The following FSIP1 variants were observed in gnomAD, a reference collection of about 807,000 sequenced individuals.
The protein encoded by FSIP1 is fibrous sheath-interacting protein 1.
In FSIP1, 65 loss-of-function variants were observed where a neutral mutation model predicts 60.9. The ratio of observed to expected loss-of-function variants is 1.07; its 90% CI spans 0.87 to 1.31. The LOEUF (loss-of-function observed/expected upper bound fraction) is 1.31, where lower values mean the gene tolerates loss of function less well. Among genes scored for constraint, FSIP1 ranks in the 40% most tolerant of loss-of-function variants. The probability of loss-of-function intolerance (pLI) is 0.00; values close to 1 mark genes in which losing one functional copy is unlikely to be tolerated. For missense variants in FSIP1, 675 were observed against 665.5 expected, an observed-to-expected ratio of 1.01 and a Z score of -0.16; for synonymous variants, 209 against 221.2, an observed-to-expected ratio of 0.94 and a Z score of 0.49.
intron 3 of FSIP1, among the ~76,000 whole-genome samples, chr15:39,766,159 G>A (rs1231604546): frequency 6.6e-6 from 1 of 152,192 alleles, no homozygotes; most frequent in African/African-American, 2.4e-5. Flanking sequence ...AACTGAAAGA[G>A]AAGGCGTGTA....
At chr15:39,775,695 G>A (rs553359861) in intron 2 of FSIP1, among the ~76,000 whole-genome samples, 5 of 152,190 alleles carry the variant, frequency 3.3e-5, no homozygotes, top group African/African-American at 1.2e-4. Context: ...AAAGTGTGTA[G>A]CACCTCCTCC....
intron 11 of FSIP1, among the ~76,000 whole-genome samples, chr15:39,614,644 CAAAAA>C (rs35512322): frequency 3.1e-5 from 3 of 96,342 alleles, no homozygotes; most frequent in East Asian, 3.3e-4. Flanking sequence ...GACTCCATCT[CAAAAA>C]AAAAAAAAAA....
At chr15:39,722,620 GCT>G (rs755310923) in intron 9 of FSIP1, among the ~76,000 whole-genome samples, 8 of 146,896 alleles carry the variant, frequency 5.4e-5, no homozygotes, top group African/African-American at 1.0e-4. Flanking sequence ...CCTTGGATAT[GCT>G]CTCTCTCTCT....
chr15:39,755,278 T>C (rs1170622595), intron 5 of FSIP1, among the ~76,000 whole-genome samples: 1 of 152,046 alleles, frequency 6.6e-6, no homozygotes, highest in East Asian at 1.9e-4. Flanking sequence ...GTTACTGATT[T>C]TGGCCTCAGA....
intron 10 of FSIP1, among the ~76,000 whole-genome samples, chr15:39,681,320 G>A (rs938175387): frequency 6.6e-6 from 1 of 151,712 alleles, no homozygotes; most frequent in African/African-American, 2.4e-5. Flanking sequence ...TTCAGCAGGA[G>A]GAGATTATAG....
rs566483547 is a variant in FSIP1, at chr15:39,741,851, T to C, written c.609A>G (p.Gln203=). The C allele has an allele frequency of 3.4e-5, 54 of 1,607,528 alleles. No homozygotes were observed. Among genetic ancestry groups the C allele is most frequent in the Middle Eastern group, 3.3e-4 (2 of 6,042 alleles). ...GCATTTCATATTCTTCTGGAGGGAT[T>C]TGAGTATGAAACACTGAGGAAAAGG... is the stretch of plus-strand genomic sequence containing the variant. ...EDTFSSVFHT[Q]IPPEEYEMQM... Residue 203 remains glutamine, a synonymous_variant, in exon 6 of 12, where the codon CAA becomes CAG. Coordinates refer to ENST00000350221, the MANE Select transcript of FSIP1 (RefSeq NM_152597.5).
At chr15:39,730,210 T>C (rs1208417918) in intron 8 of FSIP1, among the ~76,000 whole-genome samples, 1 of 152,014 alleles carries the variant, frequency 6.6e-6, no homozygotes, top group Non-Finnish European at 1.5e-5. Context: ...AGAAAGATAA[T>C]GAATTGTTTG....
intron 10 of FSIP1, among the ~76,000 whole-genome samples, chr15:39,633,930 C>T (rs1038140200): frequency 6.6e-6 from 1 of 152,154 alleles, no homozygotes; most frequent in African/African-American, 2.4e-5. Context: ...TCACAGCCTC[C>T]AAATTTGCAG....
intron 10 of FSIP1, among the ~76,000 whole-genome samples, chr15:39,624,592 T>G (rs1017626343): frequency 6.6e-6 from 1 of 152,130 alleles, no homozygotes; most frequent in African/African-American, 2.4e-5. Flanking sequence ...GCGCTAAGGA[T>G]TCATAGGAGA....
chr15:39,730,844 G>A (rs1205556716), intron 8 of FSIP1, among the ~76,000 whole-genome samples: 1 of 152,218 alleles, frequency 6.6e-6, no homozygotes, highest in Non-Finnish European at 1.5e-5. Context: ...TCTGGTGGCT[G>A]CGGAGCCACA....
In FSIP1 at chr15:39,736,473, T is replaced by G. The variant is rs1595677624; in HGVS notation, c.891+1618A>C. Among the ~76,000 whole-genome samples, 4 of 152,318 alleles carry G rather than the reference T, an allele frequency of 2.6e-5. No homozygotes were observed. In the South Asian group the frequency reaches 8.3e-4, roughly 32 times the overall value. ...TTAAATAGGAGCAGTTGTGAACATT[T>G]TACAAGTTTAATGTTTCTCACAAAA... On this transcript the variant is annotated intron_variant, in intron 8 of 11. Transcript: ENST00000350221.
chr15:39,734,771 G>A (rs774452694), intron 8 of FSIP1, among the ~76,000 whole-genome samples: 9 of 151,996 alleles, frequency 5.9e-5, no homozygotes, highest in African/African-American at 1.4e-4. Context: ...GTATGCGGTC[G>A]TAATGAATAT....
At chr15:39,605,045 T>C (rs1890772861) in intron 11 of FSIP1, among the ~76,000 whole-genome samples, 1 of 152,174 alleles carries the variant, frequency 6.6e-6, no homozygotes, top group Non-Finnish European at 1.5e-5. Context: ...CAAAAGTCAA[T>C]CTGCCGGCAA....
At position 39,761,546 on chromosome 15, in the gene FSIP1, T is replaced by A. The variant is rs539185541; in HGVS notation, c.559+2275A>T. The stretch of plus-strand genomic sequence containing the variant: ...TTGTACTCATAGAAGCAGAGTGGAA[T>A]GGTGGTTACCAGAAGCTGGAGGATG... On this transcript the variant is annotated intron_variant, in intron 5 of 11. Coordinates refer to ENST00000350221, the MANE Select transcript of FSIP1 (RefSeq NM_152597.5). 4.0e-4 allele frequency among the ~76,000 whole-genome samples: 61 copies of A among 152,316 alleles called. 1 individual carries two copies. In the South Asian group the frequency reaches 0.011, roughly 28 times the overall value.
intron 10 of FSIP1, among the ~76,000 whole-genome samples, chr15:39,658,628 T>C (rs1395744990): frequency 1.3e-5 from 2 of 152,130 alleles, no homozygotes; most frequent in Non-Finnish European, 2.9e-5. Flanking sequence ...AAAATAAGAA[T>C]GTTGTACTAA....
At chr15:39,736,085 G>C (rs1430586413) in intron 8 of FSIP1, among the ~76,000 whole-genome samples, 1 of 152,180 alleles carries the variant, frequency 6.6e-6, no homozygotes, top group Non-Finnish European at 1.5e-5. Context: ...CTAAAATATA[G>C]AGCTACGGTG....
chr15:39,675,145 T>C (rs944486235), intron 10 of FSIP1, among the ~76,000 whole-genome samples: 5 of 152,164 alleles, frequency 3.3e-5, no homozygotes, highest in African/African-American at 9.7e-5. Flanking sequence ...ACTCACATAA[T>C]TGGCAAAAAT....
intron 8 of FSIP1, among the ~76,000 whole-genome samples, chr15:39,729,949 C>A (rs1034096312): frequency 5.9e-5 from 9 of 152,066 alleles, no homozygotes; most frequent in Non-Finnish European, 1.0e-4. Context: ...ATTCTTATTA[C>A]CAGGATGATG....
intron 10 of FSIP1, among the ~76,000 whole-genome samples, chr15:39,623,931 T>G (rs937332797): frequency 5.3e-5 from 8 of 152,232 alleles, no homozygotes; most frequent in Non-Finnish European, 1.2e-4. Context: ...TCAGCTTGCC[T>G]ATGTAGCATG....
Sources: allele counts gnomAD v4.1 joint callset (sites outside exome capture counted in the v4.1 genomes callset), GRCh38; gene constraint gnomAD v4.1.1; transcripts MANE v1.5; gene names NCBI Gene and HGNC (gene_info 2026-07-23, HGNC 2026-07-21).